PTCHD4: variants seen among roughly 807,000 people sequenced by gnomAD.
PTCHD4 encodes patched domain-containing protein 4.
In PTCHD4, 33 loss-of-function variants were observed where a neutral mutation model predicts 58.1. That is an observed-to-expected ratio of 0.57 (90% CI 0.43 to 0.76). PTCHD4 has a LOEUF of 0.76. Among genes scored for constraint, PTCHD4 ranks in the 30% least tolerant of loss-of-function variants. The probability of loss-of-function intolerance (pLI) is 0.00; values close to 1 mark genes in which losing one functional copy is unlikely to be tolerated. For synonymous variants in PTCHD4, 478 were observed against 409.6 expected (o/e 1.17, Z -2.02); for missense variants, 1,058 against 1,027.1 (o/e 1.03, Z -0.41).
intron 4 of PTCHD4, among the ~76,000 whole-genome samples, chr6:47,929,056 G>A (rs1765724309): frequency 2.0e-5 from 3 of 151,886 alleles, no homozygotes; most frequent in Admixed American, 2.0e-4. Flanking sequence ...ATTAGAATGA[G>A]GCTATTATTA....
At position 47,869,662 on chromosome 6, in the gene PTCHD4, G is replaced by C. The variant is rs1460093420; in HGVS notation, c.*8641C>G. On this transcript the variant is annotated 3_prime_UTR_variant, in exon 5 of 5. Transcript: ENST00000339488. ...CAGAATGCTTTATCTTAACCACGGA[G>C]AGATAATTGATATATATCATCACAG... Among the ~76,000 whole-genome samples the C allele has an allele frequency of 6.6e-6, 1 of 151,554 alleles. No homozygotes were observed. The highest frequency in any genetic ancestry group is 1.9e-4 in the East Asian group (1 of 5,154).
At chr6:48,052,877 C>T (rs1282324511) in intron 3 of PTCHD4, among the ~76,000 whole-genome samples, 2 of 151,944 alleles carry the variant, frequency 1.3e-5, no homozygotes, top group East Asian at 3.9e-4. Context: ...TTTATAATTG[C>T]CGTTTAAAAA....
Position 47,865,403 on chromosome 6 carries a change from G to A in PTCHD4, c.*12900C>T, listed in dbSNP as rs1346676716. Among the ~76,000 whole-genome samples, 1 of 151,798 alleles carries A rather than the reference G, an allele frequency of 6.6e-6. No homozygotes were observed. Among genetic ancestry groups the A allele is most frequent in the Non-Finnish European group, 1.5e-5 (1 of 67,874 alleles). ...AAATTTGTGGTAAAGCTTTACAAAT[G>A]TTATAAAAATGGGCCACGCTGCATG... On this transcript the variant is annotated 3_prime_UTR_variant, in exon 5 of 5. Transcript: ENST00000339488.
In PTCHD4 at chr6:47,862,657, T is replaced by C. The variant is rs192865778; in HGVS notation, c.*15646A>G. 2.2e-4 allele frequency among the ~76,000 whole-genome samples: 34 copies of C among 152,000 alleles called. No individual in the cohort carries two copies. The highest frequency in any genetic ancestry group is 1.4e-3 in the Admixed American group (22 of 15,248). ...TTATTTTAATTGAAATTCATGCTGA[T>C]GAATCATTTTTCCTTAAGTATTCTT... On this transcript the variant is annotated 3_prime_UTR_variant, in exon 5 of 5. Coordinates refer to ENST00000339488, the MANE Select transcript of PTCHD4 (RefSeq NM_001384253.1).
chr6:47,865,965 G>C lies in PTCHD4; in HGVS notation c.*12338C>G, dbSNP rs907419243. 6.6e-6 allele frequency among the ~76,000 whole-genome samples: 1 copy of C among 151,778 alleles called. No individual in the cohort carries two copies. ...ACCCAGGAACATATTCTGTGCTTTT[G>C]TTGCATGTTATGGCTTTGCTCAGTC... On this transcript the variant is annotated 3_prime_UTR_variant, in exon 5 of 5. Transcript: ENST00000339488.
chr6:48,046,363 C>T (rs1764038368), intron 3 of PTCHD4, among the ~76,000 whole-genome samples: 1 of 151,736 alleles, frequency 6.6e-6, no homozygotes. Flanking sequence ...TCCTATGAAG[C>T]TTTTTGAGTG....
At chr6:47,983,256 T>A (rs1205863402) in intron 4 of PTCHD4, among the ~76,000 whole-genome samples, 1 of 152,182 alleles carries the variant, frequency 6.6e-6, no homozygotes, top group Admixed American at 6.5e-5. Flanking sequence ...CTTTTTTTTG[T>A]TCCTGCAGTA....
chr6:47,954,397 T>C (rs563277378), intron 4 of PTCHD4, among the ~76,000 whole-genome samples: 179 of 152,204 alleles, frequency 1.2e-3, no homozygotes, highest in African/African-American at 4.1e-3. Flanking sequence ...CATTTAACTG[T>C]TTTTTAAGAT....
intron 4 of PTCHD4, among the ~76,000 whole-genome samples, chr6:47,973,087 C>T (rs985704180): frequency 2.0e-5 from 3 of 151,856 alleles, no homozygotes; most frequent in Admixed American, 6.6e-5. Flanking sequence ...TTTCTTATTC[C>T]TATGAGTCAG....
chr6:47,998,463 A>G (rs1179192980), intron 4 of PTCHD4, among the ~76,000 whole-genome samples: 2 of 152,214 alleles, frequency 1.3e-5, no homozygotes, highest in Non-Finnish European at 2.9e-5. Flanking sequence ...GATTACTAAA[A>G]TGGGTCCATA....
At chr6:48,035,187 G>A (rs1402371659) in intron 3 of PTCHD4, among the ~76,000 whole-genome samples, 2 of 151,928 alleles carry the variant, frequency 1.3e-5, no homozygotes, top group African/African-American at 4.8e-5. Flanking sequence ...ATTTTTCCTA[G>A]TCATATAATA....
rs146889133 is a variant in PTCHD4, at chr6:48,098,184, C to G, written c.-970+12865G>C. Among the ~76,000 whole-genome samples, 461 of 152,142 alleles carry G rather than the reference C, an allele frequency of 3.0e-3. 3 individuals are homozygous for G. The highest frequency in any genetic ancestry group is 0.011 in the African/African-American group (438 of 41,510). ...TCATTAATGTCATGGTTTCCCAACACAAAACAACTGCAACAAGGAGAACTG... is the reference window on the plus strand; with the variant it reads ...TCATTAATGTCATGGTTTCCCAACAGAAAACAACTGCAACAAGGAGAACTG... On this transcript the variant is annotated intron_variant, in intron 1 of 4. Coordinates refer to ENST00000339488, the MANE Select transcript of PTCHD4 (RefSeq NM_001384253.1).
At chr6:48,007,936 G>GCACACA (rs10554552) in intron 4 of PTCHD4, among the ~76,000 whole-genome samples, 391 of 150,346 alleles carry the variant, frequency 2.6e-3, no homozygotes, top group African/African-American at 9.1e-3. Context: ...GTGCGCGCGC[G>GCACACA]CACACACACA....
intron 4 of PTCHD4, among the ~76,000 whole-genome samples, chr6:47,990,933 A>G (rs1414192116): frequency 6.6e-6 from 1 of 152,192 alleles, no homozygotes; most frequent in Non-Finnish European, 1.5e-5. Flanking sequence ...AGATGCTACA[A>G]AGAAGAAAAT....
chr6:48,035,286 T>A (rs1167420238), intron 3 of PTCHD4, among the ~76,000 whole-genome samples: 1 of 151,970 alleles, frequency 6.6e-6, no homozygotes, highest in Non-Finnish European at 1.5e-5. Flanking sequence ...CAAAGATGAG[T>A]TGGGTCACTC....
chr6:47,928,207 A>C (rs757524208), intron 4 of PTCHD4, among the ~76,000 whole-genome samples: 2 of 152,318 alleles, frequency 1.3e-5, no homozygotes, highest in Non-Finnish European at 2.9e-5. Flanking sequence ...CTCCTAAGGC[A>C]GTAAAAAAAG....
intron 3 of PTCHD4, among the ~76,000 whole-genome samples, chr6:48,026,747 A>G (rs1763260057): frequency 6.6e-6 from 1 of 152,132 alleles, no homozygotes; most frequent in South Asian, 2.1e-4. Flanking sequence ...ATCCACTCAG[A>G]TGGGCTTTGG....
intron 4 of PTCHD4, among the ~76,000 whole-genome samples, chr6:48,003,230 T>C (rs1023801322): frequency 6.6e-6 from 1 of 152,220 alleles, no homozygotes; most frequent in African/African-American, 2.4e-5. Context: ...CTCAAATTTG[T>C]ATCTTCAGCT....
chr6:47,974,832 T>TA (rs1767635602), intron 4 of PTCHD4, among the ~76,000 whole-genome samples: 1 of 152,216 alleles, frequency 6.6e-6, no homozygotes, highest in African/African-American at 2.4e-5. Flanking sequence ...GGACAATAGA[T>TA]ACAAAAATAT....
Sources: gnomAD v4.1 joint callset for allele counts (sites outside exome capture counted in the v4.1 genomes callset) on GRCh38, gnomAD v4.1.1 for gene constraint, MANE v1.5 for transcripts, NCBI Gene and HGNC (gene_info 2026-07-23, HGNC 2026-07-21) for gene names.